Variants in TRHDE observed in about 807,000 individuals in gnomAD.
TRHDE encodes thyrotropin releasing hormone degrading enzyme.
In TRHDE, 72 loss-of-function variants were observed where a neutral mutation model predicts 125.7. The observed-to-expected ratio is 0.57, with a 90% CI of 0.47 to 0.70. TRHDE has a LOEUF of 0.70. Among genes scored for constraint, TRHDE ranks in the 30% least tolerant of loss-of-function variants. The pLI, the probability that TRHDE is intolerant of heterozygous loss-of-function variation, is 0.00. For synonymous variants in TRHDE, 509 were observed against 509.1 expected (o/e 1.00, Z 0.00); for missense variants, 1,110 against 1,327.1 (o/e 0.84, Z 2.54).
chr12:72,123,058 C>T (rs565948321), intron 2 of TRHDE, among the ~76,000 whole-genome samples: 4 of 152,088 alleles, frequency 2.6e-5, no homozygotes, highest in Non-Finnish European at 5.9e-5. Flanking sequence ...CATTCATACC[C>T]GAGGTTAATT....
chr12:72,429,768 T>A (rs917795917), intron 3 of TRHDE, among the ~76,000 whole-genome samples: 1 of 152,162 alleles, frequency 6.6e-6, no homozygotes, highest in African/African-American at 2.4e-5. Context: ...ATCCGATGGC[T>A]AATGATGTTG....
chr12:72,295,261 C>A (rs1391974816), intron 2 of TRHDE, among the ~76,000 whole-genome samples: 1 of 152,020 alleles, frequency 6.6e-6, no homozygotes, highest in Non-Finnish European at 1.5e-5. Flanking sequence ...AGCCCCACCC[C>A]AGCTCAGAAG....
intron 2 of TRHDE, among the ~76,000 whole-genome samples, chr12:72,184,594 T>C (rs1877163404): frequency 6.6e-6 from 1 of 152,180 alleles, no homozygotes. Context: ...CTCCCCTGAA[T>C]GACTTCTCTT....
chr12:72,603,766 A>G (rs1284194343), intron 12 of TRHDE, among the ~76,000 whole-genome samples: 2 of 147,984 alleles, frequency 1.4e-5, no homozygotes, highest in Non-Finnish European at 3.0e-5. Flanking sequence ...CAACAACAAC[A>G]AAAAAACAAT....
chr12:72,509,144 T>C (rs573328164), intron 6 of TRHDE, among the ~76,000 whole-genome samples: 1 of 152,294 alleles, frequency 6.6e-6, no homozygotes, highest in Admixed American at 6.5e-5. Context: ...AATCATTTTC[T>C]GCAACATCTC....
intron 2 of TRHDE, among the ~76,000 whole-genome samples, chr12:72,152,056 T>C (rs1876380442): frequency 6.6e-6 from 1 of 151,904 alleles, no homozygotes; most frequent in African/African-American, 2.4e-5. Flanking sequence ...TTTGTTTGTA[T>C]CCTCTTTTAT....
chr12:72,434,955 A>G (rs922472841), intron 3 of TRHDE, among the ~76,000 whole-genome samples: 5 of 152,212 alleles, frequency 3.3e-5, no homozygotes, highest in Non-Finnish European at 5.9e-5. Flanking sequence ...GCAACTTTAA[A>G]TAGTTTAAAT....
At chr12:72,277,459 A>G (rs912442812) in intron 1 of TRHDE, among the ~76,000 whole-genome samples, 6 of 152,338 alleles carry the variant, frequency 3.9e-5, no homozygotes, top group Middle Eastern at 6.8e-3. Context: ...AACATGAGCA[A>G]GTAGGAGTAT....
At chr12:72,534,166 G>C (rs181207859) in intron 6 of TRHDE, among the ~76,000 whole-genome samples, 75 of 152,158 alleles carry the variant, frequency 4.9e-4, no homozygotes, top group Middle Eastern at 3.4e-3. Context: ...ATATGCCAAC[G>C]GTTAGTTTAA....
intron 2 of TRHDE, among the ~76,000 whole-genome samples, chr12:72,290,715 T>TATCC (rs1484960594): frequency 6.6e-6 from 1 of 152,246 alleles, no homozygotes; most frequent in Non-Finnish European, 1.5e-5. Context: ...GTCAGCCATA[T>TATCC]ATCCACGTGT....
rs190050740 is a variant in TRHDE, at chr12:72,509,689, A to G, written c.1722+10054A>G. Among the ~76,000 whole-genome samples the G allele has an allele frequency of 9.2e-4, 140 of 152,166 alleles. 1 individual carries two copies. Among genetic ancestry groups the G allele is most frequent in the African/African-American group, 3.2e-3 (131 of 41,502 alleles). ...TTAATCTGATCCTATTATGTTTACT[A>G]TATTGTTTGACTTTCCACTTTCCCC... On this transcript the variant is annotated intron_variant, in intron 6 of 18. Coordinates refer to ENST00000261180, the MANE Select transcript of TRHDE (RefSeq NM_013381.3).
At chr12:72,527,660 A>G (rs976709675) in intron 6 of TRHDE, among the ~76,000 whole-genome samples, 2 of 151,844 alleles carry the variant, frequency 1.3e-5, no homozygotes, top group African/African-American at 4.8e-5. Context: ...TCAAGAAAAT[A>G]TTATTTTCGT....
chr12:72,483,499 T>A (rs977282105), intron 5 of TRHDE, among the ~76,000 whole-genome samples: 1 of 152,038 alleles, frequency 6.6e-6, no homozygotes, highest in South Asian at 2.1e-4. Context: ...GGTACTTAAG[T>A]ATAATAATAT....
At chr12:72,252,427 C>T (rs777750150) in intron 2 of TRHDE, among the ~76,000 whole-genome samples, 10 of 151,826 alleles carry the variant, frequency 6.6e-5, no homozygotes, top group East Asian at 3.9e-4. Flanking sequence ...TGTCACAAAT[C>T]GATTGGAAAA....
At chr12:72,315,979 A>G (rs919985124) in intron 2 of TRHDE, among the ~76,000 whole-genome samples, 1 of 152,180 alleles carries the variant, frequency 6.6e-6, no homozygotes, top group Non-Finnish European at 1.5e-5. Context: ...TTTCAAACAG[A>G]AATGTGTTGT....
intron 2 of TRHDE, among the ~76,000 whole-genome samples, chr12:72,345,224 G>A (rs1764372122): frequency 6.6e-6 from 1 of 152,020 alleles, no homozygotes. Flanking sequence ...AGATTAATTG[G>A]TTTTATTAAT....
intron 1 of TRHDE, among the ~76,000 whole-genome samples, chr12:72,285,312 G>C (rs550391857): frequency 5.3e-5 from 8 of 152,250 alleles, no homozygotes; most frequent in African/African-American, 1.9e-4. Context: ...GTATATCACA[G>C]ATGATGGAGA....
At chr12:72,474,780 A>C (rs1377269301) in intron 5 of TRHDE, among the ~76,000 whole-genome samples, 5 of 152,146 alleles carry the variant, frequency 3.3e-5, no homozygotes, top group African/African-American at 1.2e-4. Flanking sequence ...TTTGAAGAAC[A>C]CGTAAACCAA....
Position 72,626,726 on chromosome 12 carries a change from T to C in TRHDE, c.2675+4975T>C, listed in dbSNP as rs537647272. ...ATCTCATAGTGTAGAGAGCTCCAGATAACTGTGTTCCTTTATGTCTGATCC... is the reference window on the plus strand; with the variant it reads ...ATCTCATAGTGTAGAGAGCTCCAGACAACTGTGTTCCTTTATGTCTGATCC... On this transcript the variant is annotated intron_variant, in intron 15 of 18. Transcript: ENST00000261180. 6.6e-5 allele frequency among the ~76,000 whole-genome samples: 10 copies of C among 152,042 alleles called. No individual in the cohort carries two copies. In the East Asian group the frequency reaches 1.9e-3, roughly 29 times the overall value.
Sources: allele counts gnomAD v4.1 joint callset (sites outside exome capture counted in the v4.1 genomes callset), GRCh38; gene constraint gnomAD v4.1.1; transcripts MANE v1.5; gene names NCBI Gene and HGNC (gene_info 2026-07-23, HGNC 2026-07-21).